The following SYN2 variants were observed in gnomAD, a reference collection of about 807,000 sequenced individuals.
The protein encoded by SYN2 is synapsin II, also known as synapsin-2.
A neutral mutation model predicts 50.9 loss-of-function variants in SYN2; 19 were observed. That is an observed-to-expected ratio of 0.37 (90% CI 0.26 to 0.55). The LOEUF is 0.55. Among genes scored for constraint, SYN2 ranks in the 20% least tolerant of loss-of-function variants. The pLI, the probability that SYN2 is intolerant of heterozygous loss-of-function variation, is 0.81. For missense variants in SYN2, 587 were observed against 576.4 expected, an observed-to-expected ratio of 1.02 and a Z score of -0.19; for synonymous variants, 255 against 224.9, an observed-to-expected ratio of 1.13 and a Z score of -1.20.
chr3:12,139,021 C>T (rs868613383), intron 1 of SYN2, among the ~76,000 whole-genome samples: 13 of 152,094 alleles, frequency 8.5e-5, no homozygotes, highest in Middle Eastern at 3.2e-3. Context: ...CTGAGGGGCT[C>T]GCTGAGCTGT....
At chr3:12,051,390 C>T (rs1694860013) in intron 1 of SYN2, among the ~76,000 whole-genome samples, 1 of 95,338 alleles carries the variant, frequency 1.0e-5, no homozygotes, top group African/African-American at 3.7e-5. Context: ...TGTTCTACAT[C>T]TCTGGCAGAG....
chr3:12,091,173 C>T (rs990825678), intron 1 of SYN2, among the ~76,000 whole-genome samples: 2 of 152,024 alleles, frequency 1.3e-5, no homozygotes, highest in Non-Finnish European at 2.9e-5. Context: ...TTTTATATTC[C>T]TTGGGCTCAT....
chr3:12,145,769 G>T lies in SYN2; in HGVS notation c.618G>T (p.Gln206His). ...TCCGCCACCTGATCATTGGTATGCA[G>T]TATGCAGGCCTCCCCAGCATCAACT... ...EDFRHLIIGM[Q>H]YAGLPSINSL... Residue 206 changes from glutamine (Q) to histidine (H), a missense_variant, in exon 4 of 13, where the codon CAG becomes CAT. Gln to His is a conservative substitution (Grantham distance 24). Coordinates refer to ENST00000621198, the MANE Select transcript of SYN2 (RefSeq NM_133625.6). The T allele has an allele frequency of 6.2e-7, 1 of 1,614,018 alleles. No homozygotes were observed. Among genetic ancestry groups the T allele is most frequent in the Non-Finnish European group, 8.5e-7 (1 of 1,179,886 alleles).
At position 12,084,927 on chromosome 3, in the gene SYN2, G is replaced by A. The variant is rs73137675; in HGVS notation, c.378-55724G>A. 7.7e-3 allele frequency among the ~76,000 whole-genome samples: 1,173 copies of A among 151,972 alleles called. 12 individuals carry two copies. The highest frequency in any genetic ancestry group is 0.027 in the African/African-American group (1,111 of 41,452). On this transcript the variant is annotated intron_variant, in intron 1 of 12. Coordinates refer to ENST00000621198, the MANE Select transcript of SYN2 (RefSeq NM_133625.6). ...AAGAAAGGATTCAAAGTATACCACT[G>A]CAGGAAATCATTAAATCACAACGGA...
chr3:12,111,592 G>A (rs536982238), intron 1 of SYN2, among the ~76,000 whole-genome samples: 5 of 152,236 alleles, frequency 3.3e-5, no homozygotes, highest in South Asian at 2.1e-4. Context: ...TGGAGGAAGC[G>A]TTTTCATCTT....
intron 10 of SYN2, among the ~76,000 whole-genome samples, chr3:12,179,913 C>T (rs1307699211): frequency 1.3e-5 from 2 of 152,182 alleles, no homozygotes; most frequent in Non-Finnish European, 2.9e-5. Flanking sequence ...AGCCTGTCGT[C>T]ACTCTGTAAA....
At chr3:12,164,277 T>G (rs1388796981) in intron 7 of SYN2, among the ~76,000 whole-genome samples, 1 of 152,088 alleles carries the variant, frequency 6.6e-6, no homozygotes, top group Non-Finnish European at 1.5e-5. Flanking sequence ...ACACCTAAAT[T>G]TTAAGGGTTA....
At chr3:12,057,367 G>A (rs1695017263) in intron 1 of SYN2, among the ~76,000 whole-genome samples, 1 of 149,508 alleles carries the variant, frequency 6.7e-6, no homozygotes, top group African/African-American at 2.5e-5. Flanking sequence ...TAGGGGAATT[G>A]TTTTTCTAGT....
chr3:12,156,269 C>T (rs1559444421), intron 5 of SYN2, among the ~76,000 whole-genome samples: 1 of 152,200 alleles, frequency 6.6e-6, no homozygotes, highest in South Asian at 2.1e-4. Flanking sequence ...TTCACAACTA[C>T]CAAATAGTTC....
At chr3:12,007,839 C>G (rs966649265) in intron 1 of SYN2, among the ~76,000 whole-genome samples, 5 of 152,124 alleles carry the variant, frequency 3.3e-5, no homozygotes, top group African/African-American at 1.2e-4. Flanking sequence ...CACCACTGAC[C>G]AGGTTGATGG....
intron 1 of SYN2, among the ~76,000 whole-genome samples, chr3:12,042,762 A>G (rs750269140): frequency 5.9e-5 from 9 of 152,196 alleles, no homozygotes; most frequent in Non-Finnish European, 1.3e-4. Flanking sequence ...TGTCCTTATA[A>G]GAAGAAGAGA....
chr3:12,118,473 C>T (rs930297315), intron 1 of SYN2, among the ~76,000 whole-genome samples: 1 of 152,174 alleles, frequency 6.6e-6, no homozygotes, highest in Admixed American at 6.5e-5. Context: ...GATGAGGAAA[C>T]AGGCCCAGAG....
At chr3:12,139,579 C>T (rs1227312121) in intron 1 of SYN2, among the ~76,000 whole-genome samples, 3 of 152,196 alleles carry the variant, frequency 2.0e-5, no homozygotes, top group African/African-American at 4.8e-5. Context: ...AGCCCTTTCT[C>T]TGTATCTTAT....
At chr3:12,156,471 A>G (rs1175073098) in intron 5 of SYN2, among the ~76,000 whole-genome samples, 1 of 152,246 alleles carries the variant, frequency 6.6e-6, no homozygotes, top group Non-Finnish European at 1.5e-5. Context: ...GTTGACCTGC[A>G]AGGAGCAGTT....
intron 9 of SYN2, among the ~76,000 whole-genome samples, chr3:12,169,340 G>C (rs1232091391): frequency 6.6e-6 from 1 of 152,196 alleles, no homozygotes; most frequent in Non-Finnish European, 1.5e-5. Context: ...AGAGTGCTTG[G>C]AGACAGAGAT....
chr3:12,179,086 C>G (rs528284024), intron 10 of SYN2, among the ~76,000 whole-genome samples: 1 of 152,344 alleles, frequency 6.6e-6, no homozygotes, highest in Admixed American at 6.5e-5. Flanking sequence ...ACCTACCAAC[C>G]TGGAGGAGTC....
At chr3:12,158,093 A>G (rs979391166) in intron 5 of SYN2, among the ~76,000 whole-genome samples, 2 of 152,112 alleles carry the variant, frequency 1.3e-5, no homozygotes, top group Admixed American at 6.5e-5. Context: ...ACACGTGTAA[A>G]GAACAACAGC....
chr3:12,042,462 G>T (rs1356075447), intron 1 of SYN2, among the ~76,000 whole-genome samples: 1 of 152,166 alleles, frequency 6.6e-6, no homozygotes, highest in African/African-American at 2.4e-5. Flanking sequence ...TAAGGGATTT[G>T]TAGATATTGT....
At chr3:12,077,861 G>T (rs1695505618) in intron 1 of SYN2, among the ~76,000 whole-genome samples, 1 of 152,128 alleles carries the variant, frequency 6.6e-6, no homozygotes, top group African/African-American at 2.4e-5. Context: ...GGGTCAAATG[G>T]TATTTCTGGT....
Sources: allele counts gnomAD v4.1 joint callset (sites outside exome capture counted in the v4.1 genomes callset), GRCh38; gene constraint gnomAD v4.1.1; transcripts MANE v1.5; gene names NCBI Gene and HGNC (gene_info 2026-07-23, HGNC 2026-07-21).